EYS: variants seen among roughly 807,000 people sequenced by gnomAD.
The protein encoded by EYS is protein eyes shut homolog.
EYS carries 250 observed loss-of-function variants against 282.1 expected under a neutral mutation model. That is an observed-to-expected ratio of 0.89 (90% confidence interval 0.80 to 0.98). The LOEUF (loss-of-function observed/expected upper bound fraction) is 0.98, where lower values mean the gene tolerates loss of function less well. Among genes scored for constraint, EYS ranks in the 50% least tolerant of loss-of-function variants. The pLI is 0.00. For missense variants in EYS, 4,016 were observed against 3,709.0 expected (o/e 1.08, Z -2.15); for synonymous variants, 1,355 against 1,282.9 (o/e 1.06, Z -1.20).
intron 22 of EYS, among the ~76,000 whole-genome samples, chr6:64,630,209 C>T (rs1767734043): frequency 6.6e-6 from 1 of 152,152 alleles, no homozygotes; most frequent in Admixed American, 6.5e-5. Flanking sequence ...GATTCCCCTC[C>T]CTCAGCTTCC....
At chr6:64,018,105 C>T (rs754177863) in intron 33 of EYS, among the ~76,000 whole-genome samples, 5 of 152,084 alleles carry the variant, frequency 3.3e-5, no homozygotes, top group Non-Finnish European at 5.9e-5. Context: ...GTGGAATACA[C>T]ACTTATACAC....
intron 22 of EYS, among the ~76,000 whole-genome samples, chr6:64,722,306 G>T (rs1771610600): frequency 6.6e-6 from 1 of 151,744 alleles, no homozygotes; most frequent in Admixed American, 6.6e-5. Context: ...TCAGAATCCT[G>T]GGCAGTAAAA....
intron 15 of EYS, among the ~76,000 whole-genome samples, chr6:64,916,399 T>G (rs1442818398): frequency 1.3e-5 from 2 of 152,180 alleles, no homozygotes; most frequent in African/African-American, 4.8e-5. Context: ...TCAAGAGGAC[T>G]GATAATGCCA....
At chr6:65,254,256 T>A (rs1385723840) in intron 12 of EYS, among the ~76,000 whole-genome samples, 1 of 151,734 alleles carries the variant, frequency 6.6e-6, no homozygotes, top group African/African-American at 2.4e-5. Flanking sequence ...AGAAAACAAC[T>A]GGCTTGTGTA....
intron 14 of EYS, among the ~76,000 whole-genome samples, chr6:64,951,704 T>C (rs1012600385): frequency 6.6e-6 from 1 of 151,804 alleles, no homozygotes; most frequent in Non-Finnish European, 1.5e-5. Context: ...TGAAATTTAA[T>C]GACTTAATAT....
In EYS at chr6:64,956,363, G is replaced by T. The variant is rs1222524746; in HGVS notation, c.2260-10449C>A. Among the ~76,000 whole-genome samples the T allele has an allele frequency of 9.2e-5, 14 of 152,244 alleles. 1 individual carries two copies. In the South Asian group the frequency reaches 2.9e-3, roughly 32 times the overall value. ...AGAAAAGACAGTTTGTTCAATAAAT[G>T]GTGCTGGGAAAGCTGGATATCCATA... On this transcript the variant is annotated intron_variant, in intron 14 of 42. Coordinates refer to ENST00000503581, the MANE Select transcript of EYS (RefSeq NM_001142800.2).
chr6:64,814,518 G>A (rs528511502), intron 21 of EYS, among the ~76,000 whole-genome samples: 1 of 152,014 alleles, frequency 6.6e-6, no homozygotes, highest in South Asian at 2.1e-4. Flanking sequence ...CAAGAAATAT[G>A]TTTCTCTGTA....
chr6:65,286,434 T>C (rs1768367242), intron 12 of EYS, among the ~76,000 whole-genome samples: 1 of 151,750 alleles, frequency 6.6e-6, no homozygotes, highest in African/African-American at 2.4e-5. Flanking sequence ...AGTCATTGAC[T>C]ATCCATCAAG....
At chr6:63,827,233 AAC>A (rs1771493840) in intron 36 of EYS, among the ~76,000 whole-genome samples, 1 of 152,204 alleles carries the variant, frequency 6.6e-6, no homozygotes. Context: ...CACAAACCTA[AAC>A]ACATACGCAC....
intron 36 of EYS, among the ~76,000 whole-genome samples, chr6:63,827,070 G>T (rs1023127233): frequency 6.6e-6 from 1 of 152,134 alleles, no homozygotes; most frequent in Non-Finnish European, 1.5e-5. Context: ...AAAGTAAAGG[G>T]ATGGAAAAAG....
At chr6:63,922,373 G>T (rs959751213) in intron 35 of EYS, among the ~76,000 whole-genome samples, 2 of 152,136 alleles carry the variant, frequency 1.3e-5, no homozygotes, top group African/African-American at 2.4e-5. Flanking sequence ...GACAAGCCTG[G>T]CCAACATGGT....
At chr6:64,696,572 T>A (rs1056157229) in intron 22 of EYS, among the ~76,000 whole-genome samples, 1 of 152,080 alleles carries the variant, frequency 6.6e-6, no homozygotes, top group Non-Finnish European at 1.5e-5. Context: ...CTAAAGTCAA[T>A]ATGTTGGAAA....
chr6:65,481,860 G>A (rs1378125326), intron 5 of EYS, among the ~76,000 whole-genome samples: 1 of 152,098 alleles, frequency 6.6e-6, no homozygotes, highest in Non-Finnish European at 1.5e-5. Context: ...GTGAGCCACT[G>A]CGCCCAGTCC....
At chr6:65,179,878 C>T (rs967482514) in intron 12 of EYS, among the ~76,000 whole-genome samples, 1 of 151,976 alleles carries the variant, frequency 6.6e-6, no homozygotes, top group African/African-American at 2.4e-5. Flanking sequence ...GGGCTTCATC[C>T]CTGGGATGCA....
chr6:64,333,127 TACTC>T (rs1338610072), intron 29 of EYS, among the ~76,000 whole-genome samples: 3 of 152,016 alleles, frequency 2.0e-5, no homozygotes. Flanking sequence ...CCAGACTAGT[TACTC>T]AGTCTGTGAT....
chr6:64,257,790 T>C (rs1357163861), intron 30 of EYS, among the ~76,000 whole-genome samples: 2 of 151,846 alleles, frequency 1.3e-5, no homozygotes, highest in East Asian at 1.9e-4. Flanking sequence ...ATGATGATGA[T>C]GATGATGATG....
At chr6:64,664,606 A>T (rs1222666943) in intron 22 of EYS, among the ~76,000 whole-genome samples, 1 of 152,176 alleles carries the variant, frequency 6.6e-6, no homozygotes, top group African/African-American at 2.4e-5. Flanking sequence ...TAACCTTCAC[A>T]GCTGGGTTTA....
At chr6:65,207,999 A>G (rs1766079407) in intron 12 of EYS, among the ~76,000 whole-genome samples, 1 of 151,792 alleles carries the variant, frequency 6.6e-6, no homozygotes, top group Non-Finnish European at 1.5e-5. Flanking sequence ...TGCAACATAA[A>G]CAAAAATAGA....
chr6:65,629,442 C>T (rs1766835579), intron 2 of EYS, among the ~76,000 whole-genome samples: 1 of 152,144 alleles, frequency 6.6e-6, no homozygotes, highest in African/African-American at 2.4e-5. Context: ...TTTGCATGTC[C>T]ATTGTTCTTC....
Sources: allele counts gnomAD v4.1 joint callset (sites outside exome capture counted in the v4.1 genomes callset), GRCh38; gene constraint gnomAD v4.1.1; transcripts MANE v1.5; gene names NCBI Gene and HGNC (gene_info 2026-07-23, HGNC 2026-07-21).